NAV2: variants seen among roughly 807,000 people sequenced by gnomAD.
NAV2 encodes helicase, APC down-regulated 1.
NAV2 carries 54 observed loss-of-function variants against 223.2 expected under a neutral mutation model. The observed-to-expected ratio is 0.24, with a 90% CI of 0.19 to 0.30. The LOEUF is 0.30. Ranked by LOEUF, NAV2 falls within the 10% of genes least tolerant of loss-of-function variation. NAV2 has a pLI of 1.00. For synonymous variants in NAV2, 1,279 were observed against 1,239.3 expected, an observed-to-expected ratio of 1.03 and a Z score of -0.67; for missense variants, 2,806 against 3,147.5, an observed-to-expected ratio of 0.89 and a Z score of 2.60.
chr11:19,665,769 A>C (rs370371891), intron 1 of NAV2, among the ~76,000 whole-genome samples: 69 of 152,364 alleles, frequency 4.5e-4, no homozygotes, highest in African/African-American at 1.6e-3. Context: ...AACATTTGGC[A>C]CAGTGTTCTT....
chr11:19,400,452 G>T (rs1849636099), intron 1 of NAV2, among the ~76,000 whole-genome samples: 1 of 152,150 alleles, frequency 6.6e-6, no homozygotes, highest in Non-Finnish European at 1.5e-5. Context: ...GTCCCTCTTA[G>T]CAGCCAGCTT....
chr11:19,943,605 A>G (rs1174489312), intron 8 of NAV2, among the ~76,000 whole-genome samples: 3 of 152,208 alleles, frequency 2.0e-5, no homozygotes, highest in Admixed American at 2.0e-4. Context: ...TATATTTCTT[A>G]GCTGCCTTGT....
chr11:19,387,161 G>A (rs1420684892), intron 1 of NAV2, among the ~76,000 whole-genome samples: 1 of 152,170 alleles, frequency 6.6e-6, no homozygotes, highest in Non-Finnish European at 1.5e-5. Context: ...CGAGACAGTT[G>A]ATTGGTTCAC....
At chr11:19,800,513 T>A (rs2058185733) in intron 1 of NAV2, among the ~76,000 whole-genome samples, 1 of 152,154 alleles carries the variant, frequency 6.6e-6, no homozygotes, top group African/African-American at 2.4e-5. Flanking sequence ...TAGGACCTGC[T>A]CAAAAAAATC....
At chr11:19,929,863 A>G (rs2045156359) in intron 6 of NAV2, among the ~76,000 whole-genome samples, 2 of 152,168 alleles carry the variant, frequency 1.3e-5, no homozygotes, top group Non-Finnish European at 2.9e-5. Flanking sequence ...CCAGGGGAAT[A>G]ACTGACCTAT....
intron 1 of NAV2, among the ~76,000 whole-genome samples, chr11:19,679,949 T>C (rs949177830): frequency 1.3e-5 from 2 of 152,198 alleles, no homozygotes; most frequent in African/African-American, 4.8e-5. Flanking sequence ...CCCTACCTAT[T>C]GGGCACAAGA....
rs760738512 is a variant in NAV2, at chr11:19,351,710, C to T, written c.75+683C>T. The stretch of plus-strand genomic sequence containing the variant: ...TCTTGGGGCATAGCTAAGAACGGGG[C>T]GTGGCAAGGGTTAAATAAATCTCTA... On this transcript the variant is annotated intron_variant, in intron 1 of 37. Coordinates refer to the NAV2 transcript ENST00000360655. 1.0e-4 allele frequency among the ~76,000 whole-genome samples: 15 copies of T among 144,770 alleles called. 1 individual carries two copies. The highest frequency in any genetic ancestry group is 3.9e-3 in the Middle Eastern group (1 of 258). The allele number at this position is 144,770 out of a possible 152,430, so 95.0% of individuals were successfully genotyped here. A position where few individuals can be genotyped will look rare whatever the true frequency, so the allele number is the denominator to read the frequency against.
At chr11:19,588,005 T>C (rs1354457957) in intron 1 of NAV2, among the ~76,000 whole-genome samples, 1 of 152,262 alleles carries the variant, frequency 6.6e-6, no homozygotes, top group African/African-American at 2.4e-5. Flanking sequence ...CATCTTTGTC[T>C]GCAAATCTCT....
intron 1 of NAV2, among the ~76,000 whole-genome samples, chr11:19,388,253 A>C (rs1260837558): frequency 6.6e-6 from 1 of 152,218 alleles, no homozygotes; most frequent in African/African-American, 2.4e-5. Flanking sequence ...GTTCCTCAGG[A>C]TAATGGACAT....
intron 1 of NAV2, among the ~76,000 whole-genome samples, chr11:19,546,293 C>T (rs1350753576): frequency 6.6e-6 from 1 of 152,212 alleles, no homozygotes; most frequent in Admixed American, 6.5e-5. Context: ...TTCCCTCTCT[C>T]AACCCTGGCT....
chr11:19,669,862 T>C (rs1376276452), intron 1 of NAV2, among the ~76,000 whole-genome samples: 1 of 152,242 alleles, frequency 6.6e-6, no homozygotes, highest in African/African-American at 2.4e-5. Context: ...TCCCTTGTCC[T>C]GGGTGATGCC....
intron 1 of NAV2, chr11:19,511,628 C>T (rs1158500757): frequency 6.6e-6 from 1 of 152,220 alleles, no homozygotes; most frequent in Non-Finnish European, 1.5e-5. Context: ...CGTAAAGCCT[C>T]TGGAAGCAGA....
rs562028120 is a variant in NAV2 at position 19,582,597 on chromosome 11, T to C, written c.75+231570T>C. On this transcript the variant is annotated intron_variant, in intron 1 of 37. Coordinates refer to the NAV2 transcript ENST00000360655. ...CTTTCTGCATATGGCTAGCCAGTTT[T>C]CCCAGCACCATTTATTAAATAGGGA... Among the ~76,000 whole-genome samples the C allele has an allele frequency of 1.4e-4, 21 of 152,374 alleles. 1 individual carries two copies. The highest frequency in any genetic ancestry group is 6.5e-4 in the Admixed American group (10 of 15,306).
intron 1 of NAV2, among the ~76,000 whole-genome samples, chr11:19,452,498 T>G (rs1293444900): frequency 6.6e-6 from 1 of 152,192 alleles, no homozygotes; most frequent in Non-Finnish European, 1.5e-5. Context: ...TCCTCCTCTC[T>G]CTTCCACAGT....
At chr11:19,778,778 C>T (rs1307525323) in intron 1 of NAV2, among the ~76,000 whole-genome samples, 3 of 152,166 alleles carry the variant, frequency 2.0e-5, no homozygotes, top group Non-Finnish European at 4.4e-5. Flanking sequence ...TTCCAGCTCC[C>T]TAATCCTTTC....
At chr11:19,969,603 C>T (rs1323992067) in intron 10 of NAV2, among the ~76,000 whole-genome samples, 1 of 152,066 alleles carries the variant, frequency 6.6e-6, no homozygotes, top group African/African-American at 2.4e-5. Flanking sequence ...CCTATGCATA[C>T]ATACCTGTGA....
At chr11:19,671,293 A>G (rs909383856) in intron 1 of NAV2, among the ~76,000 whole-genome samples, 2 of 152,208 alleles carry the variant, frequency 1.3e-5, no homozygotes, top group Admixed American at 6.5e-5. Context: ...GTATCCCTCC[A>G]TAATTTATGG....
At chr11:19,832,624 G>T (rs763472445) in intron 2 of NAV2, 23 bp downstream of exon 2, 1 of 1,596,128 alleles carries the variant, frequency 6.3e-7, no homozygotes, top group Non-Finnish European at 8.6e-7. Flanking sequence ...TTTACCTTGG[G>T]GGTAATGAGT....
At chr11:19,465,542 A>G (rs2702635) in intron 1 of NAV2, among the ~76,000 whole-genome samples, 92,259 of 151,680 alleles carry the variant, frequency 0.61, 28,768 homozygotes, top group Non-Finnish European at 0.7. Context: ...AAAATATCTG[A>G]CCTTTTTGTG....
Sources: allele counts gnomAD v4.1 joint callset (sites outside exome capture counted in the v4.1 genomes callset), GRCh38; gene constraint gnomAD v4.1.1; transcripts MANE v1.5; gene names NCBI Gene and HGNC (gene_info 2026-07-23, HGNC 2026-07-21).